The following SLTM variants were observed in gnomAD, a reference collection of about 807,000 sequenced individuals.
SLTM encodes the protein SAFB-like transcription modulator.
A neutral mutation model predicts 134.6 loss-of-function variants in SLTM; 43 were observed. The observed-to-expected ratio is 0.32, with a 90% CI of 0.25 to 0.41. The LOEUF (loss-of-function observed/expected upper bound fraction) is 0.41. Ranked by LOEUF, SLTM falls within the 10% of genes least tolerant of loss-of-function variation. The pLI is 1.00. For missense variants in SLTM, 1,055 were observed against 1,288.8 expected (o/e 0.82, Z 2.78); for synonymous variants, 424 against 432.3 (o/e 0.98, Z 0.24).
Position 58,893,289 on chromosome 15 carries a change from C to G in SLTM, c.1724G>C (p.Arg575Thr), listed in dbSNP as rs765211093. 1.2e-6 allele frequency: 2 copies of G among 1,608,940 alleles called. No individual in the cohort carries two copies. Among genetic ancestry groups the G allele is most frequent in the Admixed American group, 1.7e-5 (1 of 59,750 alleles). Reference sequence around the variant, plus strand: ...TGATCAGAGACTTACTTTCTCATATCTTCCTCTTCTTGATGGTCTACAATG... The same window carrying G: ...TGATCAGAGACTTACTTTCTCATATGTTCCTCTTCTTGATGGTCTACAATG... ...GDHCRPSRRG[R>T]YEKIHGRSKE... Residue 575 changes from arginine (R) to threonine (T), a missense_variant, in exon 13 of 21, where the codon AGA (arginine) becomes ACA (threonine). By Grantham distance (71) the Arg-to-Thr change is moderately conservative. Around this residue, in one of 3 missense-constraint regions of SLTM, gnomAD observed 776 missense variants for 962.2 expected, o/e 0.81. Transcript: ENST00000380516.
intron 5 of SLTM, among the ~76,000 whole-genome samples, chr15:58,903,633 C>T (rs1247536609): frequency 2.6e-5 from 4 of 151,378 alleles, no homozygotes; most frequent in African/African-American, 9.7e-5. Flanking sequence ...CACATGTATA[C>T]ATATGTAACA....
Position 58,921,642 on chromosome 15 carries a change from A to G in SLTM, c.251-4643T>C. 7.6e-6 allele frequency: 3 copies of G among 392,390 alleles called. No individual in the cohort carries two copies. The Admixed American group carries it at 8.6e-5, about 11-fold the overall frequency. 24.3% of individuals were successfully genotyped at this position (392,390 alleles called of 1,614,324 possible). On this transcript the variant is annotated intron_variant, in intron 2 of 20. Transcript: ENST00000380516. ...GTGATGAAACTGGAGTAACAACCTG[A>G]TAGATACATAGTATTCAAAAAAAAT...
chr15:58,911,764 G>A (rs1283247317), intron 5 of SLTM, among the ~76,000 whole-genome samples: 1 of 152,078 alleles, frequency 6.6e-6, no homozygotes, highest in Non-Finnish European at 1.5e-5. Context: ...GCAGCAACAC[G>A]TTGTTACACA....
intron 5 of SLTM, among the ~76,000 whole-genome samples, chr15:58,911,931 T>C (rs2036300265): frequency 6.6e-6 from 1 of 152,174 alleles, no homozygotes; most frequent in Non-Finnish European, 1.5e-5. Context: ...ACTTATTTTA[T>C]ATCAAGTGAC....
intron 9 of SLTM, among the ~76,000 whole-genome samples, chr15:58,895,732 C>T (rs2035030255): frequency 6.6e-6 from 1 of 152,122 alleles, no homozygotes; most frequent in Admixed American, 6.5e-5. Context: ...TCTAACAATA[C>T]ATTATTGAAA....
At chr15:58,910,560 G>C (rs1360711624) in intron 5 of SLTM, among the ~76,000 whole-genome samples, 1 of 152,068 alleles carries the variant, frequency 6.6e-6, no homozygotes, top group Non-Finnish European at 1.5e-5. Context: ...TATTATTTAA[G>C]TGGGGATCCT....
chr15:58,884,042 T>C (rs1438275567), intron 19 of SLTM, among the ~76,000 whole-genome samples: 1 of 149,996 alleles, frequency 6.7e-6, no homozygotes, highest in East Asian at 2.0e-4. Context: ...GAGGTTGCAG[T>C]GAGCTGAGAT....
chr15:58,913,558 G>A lies in SLTM; in HGVS notation c.454C>T (p.His152Tyr), dbSNP rs761020691. The A allele has an allele frequency of 9.9e-6, 16 of 1,612,914 alleles. No individual in the cohort carries two copies. The East Asian group carries it at 1.3e-4, about 13-fold the overall frequency. ...LLSAEENKRAHELIEAEGIED... is the reference protein window; with the variant it reads ...LLSAEENKRAYELIEAEGIED... The stretch of plus-strand genomic sequence containing the variant: ...ATTCCTTCTGCCTCTATTAATTCAT[G>A]AGCTCTCTTGTTTTCTTCTGCAGAG... The change falls in exon 4 of 21, where the codon CAT becomes TAT. Residue 152 changes from histidine to tyrosine, a missense_variant. Physicochemically the swap from His to Tyr is moderately conservative, Grantham distance 83. Transcript: ENST00000380516.
At chr15:58,911,014 G>A (rs1335738038) in intron 5 of SLTM, among the ~76,000 whole-genome samples, 1 of 152,074 alleles carries the variant, frequency 6.6e-6, no homozygotes, top group Non-Finnish European at 1.5e-5. Flanking sequence ...AAAGTGCTGG[G>A]ATGACAGGTG....
intron 2 of SLTM, among the ~76,000 whole-genome samples, chr15:58,927,115 G>A (rs2037527637): frequency 6.6e-6 from 1 of 152,074 alleles, no homozygotes; most frequent in Non-Finnish European, 1.5e-5. Context: ...GTAAGGAGAA[G>A]CCATTATGCT....
intron 5 of SLTM, among the ~76,000 whole-genome samples, chr15:58,910,995 C>T (rs561426122): frequency 5.3e-5 from 8 of 152,182 alleles, no homozygotes; most frequent in South Asian, 4.2e-4. Context: ...CTGCCTGCCT[C>T]GGCCTCCCAA....
At chr15:58,928,822 A>C (rs1465132979) in intron 2 of SLTM, among the ~76,000 whole-genome samples, 5 of 152,180 alleles carry the variant, frequency 3.3e-5, no homozygotes, top group Non-Finnish European at 7.4e-5. Flanking sequence ...GCTGATGTCT[A>C]CATAATTACC....
chr15:58,914,612 G>GT (rs1217417789), intron 3 of SLTM, among the ~76,000 whole-genome samples: 1 of 152,168 alleles, frequency 6.6e-6, no homozygotes, highest in African/African-American at 2.4e-5. Context: ...GTACATGGCT[G>GT]TATTATGGCA....
intron 5 of SLTM, among the ~76,000 whole-genome samples, chr15:58,909,824 C>G (rs1325657272): frequency 6.6e-6 from 1 of 152,202 alleles, no homozygotes; most frequent in Admixed American, 6.5e-5. Context: ...AAATCCAGGC[C>G]TTGGAAGCTC....
intron 3 of SLTM, among the ~76,000 whole-genome samples, chr15:58,916,242 C>T (rs1170671915): frequency 6.9e-6 from 1 of 145,460 alleles, no homozygotes; most frequent in East Asian, 2.0e-4. Context: ...GGCACAATTT[C>T]GGCTCACTGC....
chr15:58,906,012 G>C (rs2035844507), intron 5 of SLTM, among the ~76,000 whole-genome samples: 3 of 152,192 alleles, frequency 2.0e-5, no homozygotes, highest in African/African-American at 4.8e-5. Context: ...GGGTAAAGTA[G>C]AAAAGATGAA....
At chr15:58,920,951 T>G (rs941944594) in intron 2 of SLTM, among the ~76,000 whole-genome samples, 1 of 152,072 alleles carries the variant, frequency 6.6e-6, no homozygotes, top group Non-Finnish European at 1.5e-5. Flanking sequence ...TGAGACTCCA[T>G]CTCAAAAAAA....
chr15:58,909,822 G>C (rs2036130188), intron 5 of SLTM, among the ~76,000 whole-genome samples: 1 of 152,188 alleles, frequency 6.6e-6, no homozygotes, highest in African/African-American at 2.4e-5. Context: ...CAAAATCCAG[G>C]CCTTGGAAGC....
intron 2 of SLTM, among the ~76,000 whole-genome samples, chr15:58,918,538 TG>T: frequency 6.6e-6 from 1 of 151,908 alleles, no homozygotes; most frequent in Non-Finnish European, 1.5e-5. Context: ...AGATTAGGAG[TG>T]GGGATTTTTC....
Sources: gnomAD v4.1 joint callset for allele counts (sites outside exome capture counted in the v4.1 genomes callset) on GRCh38, gnomAD v4.1.1 for gene constraint, gnomAD v4.1.1 regional missense constraint, MANE v1.5 for transcripts, NCBI Gene and HGNC (gene_info 2026-07-23, HGNC 2026-07-21) for gene names.